TP53RK: variants seen among roughly 807,000 people sequenced by gnomAD.
TP53RK encodes TP53 regulating kinase.
In TP53RK, 17 loss-of-function variants were observed where a neutral mutation model predicts 14.9. The ratio of observed to expected loss-of-function variants is 1.14; its 90% CI spans 0.78 to 1.71. The LOEUF is 1.71. Among genes scored for constraint, TP53RK ranks in the 40% most tolerant of loss-of-function variants. The pLI is 0.00. For synonymous variants in TP53RK, 131 were observed against 138.0 expected (o/e 0.95, Z 0.36); for missense variants, 343 against 332.0 (o/e 1.03, Z -0.26).
rs1301884954 is a variant in TP53RK, at chr20:46,687,107, G to A, written c.408C>T (p.Pro136=). 1 of 1,614,052 alleles carries A rather than the reference G, an allele frequency of 6.2e-7. No homozygotes were observed. The highest frequency in any genetic ancestry group is 1.1e-5 in the South Asian group (1 of 91,076). Residue 136 remains proline, a synonymous_variant, in exon 2 of 2, where the codon CCC becomes CCT. Transcript: ENST00000372114. Reference sequence around the variant, plus strand: ...TCTTGGCTAAGTTGGAGAGACCCTGGGGAGTTTTTTCAGTCTCCATAGTGG... The same window carrying A: ...TCTTGGCTAAGTTGGAGAGACCCTGAGGAGTTTTTTCAGTCTCCATAGTGG... ...IQSTMETEKT[P]QGLSNLAKTI...
At position 46,689,428 on chromosome 20, in the gene TP53RK, A is replaced by T; in HGVS notation, c.-14T>A. The T allele has an allele frequency of 6.5e-7, 1 of 1,530,368 alleles. No homozygotes were observed. Among genetic ancestry groups the T allele is most frequent in the South Asian group, 1.2e-5 (1 of 80,636 alleles). The allele number at this position is 1,530,368 out of a possible 1,614,324, so 94.8% of individuals were successfully genotyped here. A position where few individuals can be genotyped will look rare whatever the true frequency, so the allele number is the denominator to read the frequency against. On this transcript the variant is annotated 5_prime_UTR_variant, in exon 1 of 2. Transcript: ENST00000372114. ...GGCCGCCGCCATGACTGCTCGGCGCAACAGCTCCAACCGATCAGCTGTCTC... is the reference window on the plus strand; with the variant it reads ...GGCCGCCGCCATGACTGCTCGGCGCTACAGCTCCAACCGATCAGCTGTCTC...
At position 46,684,547 on chromosome 20, in the gene TP53RK, T is replaced by C. The variant is rs2063171679; in HGVS notation, c.*2206A>G. 6.6e-6 allele frequency: 1 copy of C among 152,154 alleles called. No homozygotes were observed. The highest frequency in any genetic ancestry group is 2.4e-5 in the African/African-American group (1 of 41,446). 9.4% of individuals were successfully genotyped at this position (152,154 alleles called of 1,614,324 possible). Reference sequence around the variant, plus strand: ...AGATCTCGTGAGAACTCACTCGCTATCACGAGAACAGCACGGAGGTAGCCG... The same window carrying C: ...AGATCTCGTGAGAACTCACTCGCTACCACGAGAACAGCACGGAGGTAGCCG... On this transcript the variant is annotated 3_prime_UTR_variant, in exon 2 of 2. Coordinates refer to ENST00000372114, the MANE Select transcript of TP53RK (RefSeq NM_033550.4).
Position 46,686,560 on chromosome 20 carries a change from C to A in TP53RK, c.*193G>T, listed in dbSNP as rs764001699. The A allele has an allele frequency of 5.1e-6, 3 of 591,930 alleles. No homozygotes were observed. The highest frequency in any genetic ancestry group is 9.1e-4 in the Middle Eastern group (2 of 2,200). The allele number at this position is 591,930 out of a possible 1,614,324, so 36.7% of individuals were successfully genotyped here. A position where few individuals can be genotyped will look rare whatever the true frequency, so the allele number is the denominator to read the frequency against. On this transcript the variant is annotated 3_prime_UTR_variant, in exon 2 of 2. Coordinates refer to ENST00000372114, the MANE Select transcript of TP53RK (RefSeq NM_033550.4). ...GCCTGTCCTCAATTTACTTTAAATA[C>A]CCAATTCTGCCTAGAACATGACTTA...
chr20:46,686,951 G>C lies in TP53RK; in HGVS notation c.564C>G (p.Phe188Leu), dbSNP rs770461591. 4.3e-6 allele frequency: 7 copies of C among 1,614,050 alleles called. No homozygotes were observed. The African/African-American group carries it at 8.0e-5, about 18-fold the overall frequency. Reference protein sequence around the residue: ...NIVLIDFGLSFISALPEDKGV... With the variant: ...NIVLIDFGLSLISALPEDKGV... Reference sequence around the variant, plus strand: ...CCTTATCCTCTGGAAGTGCTGAAATGAAACTCAGCCCAAAGTCTATGAGCA... The same window carrying C: ...CCTTATCCTCTGGAAGTGCTGAAATCAAACTCAGCCCAAAGTCTATGAGCA... Residue 188 changes from phenylalanine to leucine, a missense_variant, in exon 2 of 2, where the codon TTC becomes TTG. By Grantham distance (22) the Phe-to-Leu change is conservative (BLOSUM62 0). Transcript: ENST00000372114.
chr20:46,689,382 A>C lies in TP53RK; in HGVS notation c.33T>G (p.Asp11Glu), dbSNP rs745915184. 1.9e-5 allele frequency: 30 copies of C among 1,571,334 alleles called. No individual in the cohort carries two copies. The Admixed American group carries it at 5.2e-4, about 27-fold the overall frequency. The change falls in exon 1 of 2, where the codon GAT becomes GAG. Residue 11 changes from aspartate to glutamate, a missense_variant. Transcript: ENST00000372114. MAAARATTPADGEEPAPEAEA... is the reference protein window; with the variant it reads MAAARATTPAEGEEPAPEAEA... ...CAGCCTCCGGGGCGGGCTCCTCGCC[A>C]TCGGCCGGCGTAGTAGCTCTGGCCG...
Position 46,687,102 on chromosome 20 carries a change from C to A in TP53RK, c.413G>T (p.Gly138Val). 6.2e-7 allele frequency: 1 copy of A among 1,614,116 alleles called. No individual in the cohort carries two copies. The highest frequency in any genetic ancestry group is 8.5e-7 in the Non-Finnish European group (1 of 1,180,052). Residue 138 changes from glycine to valine, a missense_variant, in exon 2 of 2, where the codon GGT becomes GTT. Physicochemically the swap from Gly to Val is moderately radical, Grantham distance 109. Transcript: ENST00000372114. ...STMETEKTPQ[G>V]LSNLAKTIGQ... is the part of the protein sequence containing the mutation. ...AATTGTCTTGGCTAAGTTGGAGAGA[C>A]CCTGGGGAGTTTTTTCAGTCTCCAT...
Position 46,689,278 on chromosome 20 carries a change from C to G in TP53RK, c.137G>C (p.Arg46Pro). The G allele has an allele frequency of 6.5e-7, 1 of 1,540,022 alleles. No individual in the cohort carries two copies. The highest frequency in any genetic ancestry group is 8.7e-7 in the Non-Finnish European group (1 of 1,149,502). The change falls in exon 1 of 2, where the codon CGC becomes CCC. Residue 46 changes from arginine (R) to proline (P), a missense_variant. Arg to Pro is a moderately radical substitution (Grantham distance 103, BLOSUM62 -2). Transcript: ENST00000372114. ...LELVKQGAEA[R>P]VFRGRFQGRA... The stretch of plus-strand genomic sequence containing the variant: ...GCCCTGGAAGCGGCCACGGAACACG[C>G]GCGCCTCGGCACCCTGCTTCACCAG...
In TP53RK at chr20:46,686,711, G is replaced by GA. The variant is rs1289962228; in HGVS notation, c.*41dup. The GA allele has an allele frequency of 1.3e-6, 2 of 1,503,958 alleles. No homozygotes were observed. The highest frequency in any genetic ancestry group is 1.4e-5 in the African/African-American group (1 of 71,604). 93.2% of individuals were successfully genotyped at this position (1,503,958 alleles called of 1,614,324 possible). ...TGTAGCATTTCTTCAAATTTACTTTGAAAAAAGAGCTTCACTGTGTGTGGT... is the reference window on the plus strand; with the variant it reads ...TGTAGCATTTCTTCAAATTTACTTTGAAAAAAAGAGCTTCACTGTGTGTGGT... On this transcript the variant is annotated 3_prime_UTR_variant, in exon 2 of 2. Transcript: ENST00000372114.
intron 1 of TP53RK, 36 bp from the exon 2 acceptor site, chr20:46,687,267 T>G: frequency 6.6e-7 from 1 of 1,514,138 alleles, no homozygotes; most frequent in South Asian, 1.3e-5. Context: ...TGGGTTGGAT[T>G]TTTTTTAACG....
chr20:46,686,530 G>A lies in TP53RK; in HGVS notation c.*223C>T. On this transcript the variant is annotated 3_prime_UTR_variant, in exon 2 of 2. Coordinates refer to ENST00000372114, the MANE Select transcript of TP53RK (RefSeq NM_033550.4). The stretch of plus-strand genomic sequence containing the variant: ...CTGAGATATACATGTCACAATCTGG[G>A]AGAAGCCTGTCCTCAATTTACTTTA... 1.8e-6 allele frequency: 1 copy of A among 550,068 alleles called. No individual in the cohort carries two copies. The allele number at this position is 550,068 out of a possible 1,614,324, so 34.1% of individuals were successfully genotyped here. A position where few individuals can be genotyped will look rare whatever the true frequency, so the allele number is the denominator to read the frequency against.
chr20:46,688,575 T>C (rs753210585), intron 1 of TP53RK, among the ~76,000 whole-genome samples: 3 of 152,270 alleles, frequency 2.0e-5, no homozygotes, highest in Non-Finnish European at 4.4e-5. Context: ...CATTTGAACA[T>C]AATACGTGAC....
In TP53RK at chr20:46,685,978, C is replaced by T. The variant is rs967451202; in HGVS notation, c.*775G>A. The T allele has an allele frequency of 7.9e-5, 12 of 152,228 alleles. No individual in the cohort carries two copies. Among genetic ancestry groups the T allele is most frequent in the African/African-American group, 2.9e-4 (12 of 41,462 alleles). The allele number at this position is 152,228 out of a possible 1,614,324, so 9.4% of individuals were successfully genotyped here. ...TCACCATTTTTGCTCTACCTACTTA[C>T]TGCCTGTGATAGAAATCAACTCAGT... On this transcript the variant is annotated 3_prime_UTR_variant, in exon 2 of 2. Coordinates refer to ENST00000372114, the MANE Select transcript of TP53RK (RefSeq NM_033550.4).
chr20:46,688,616 C>T (rs2063191678), intron 1 of TP53RK, among the ~76,000 whole-genome samples: 1 of 152,184 alleles, frequency 6.6e-6, no homozygotes, highest in Admixed American at 6.5e-5. Context: ...TCACAACATC[C>T]CTATGACATG....
At chr20:46,688,514 T>C (rs752030066) in intron 1 of TP53RK, among the ~76,000 whole-genome samples, 2 of 152,202 alleles carry the variant, frequency 1.3e-5, no homozygotes, top group South Asian at 2.1e-4. Context: ...AATGAAAAAA[T>C]AGGCAATTTA....
rs2063180419 is a variant in TP53RK at position 46,686,370 on chromosome 20, A to C, written c.*383T>G. On this transcript the variant is annotated 3_prime_UTR_variant, in exon 2 of 2. Transcript: ENST00000372114. ...AAATAAATATAACATGTACACAACAACAACAAAAAAAAACACTGGGTTAGA... is the reference window on the plus strand; with the variant it reads ...AAATAAATATAACATGTACACAACACCAACAAAAAAAAACACTGGGTTAGA... The C allele has an allele frequency of 5.1e-6, 1 of 196,624 alleles. No individual in the cohort carries two copies. Among genetic ancestry groups the C allele is most frequent in the Non-Finnish European group, 1.1e-5 (1 of 95,036 alleles). 12.2% of individuals were successfully genotyped at this position (196,624 alleles called of 1,614,324 possible). A position where few individuals can be genotyped will look rare whatever the true frequency, so the allele number is the denominator to read the frequency against.
Position 46,686,941 on chromosome 20 carries a change from G to A in TP53RK, c.574C>T (p.Leu192Phe). 1.9e-6 allele frequency: 3 copies of A among 1,614,178 alleles called. No homozygotes were observed. Among genetic ancestry groups the A allele is most frequent in the East Asian group, 2.2e-5 (1 of 44,888 alleles). Reference sequence around the variant, plus strand: ...AGGTCTACTCCCTTATCCTCTGGAAGTGCTGAAATGAAACTCAGCCCAAAG... The same window carrying A: ...AGGTCTACTCCCTTATCCTCTGGAAATGCTGAAATGAAACTCAGCCCAAAG... ...IDFGLSFISA[L>F]PEDKGVDLYV... is the part of the protein sequence containing the mutation. Residue 192 changes from leucine (L) to phenylalanine (F), a missense_variant, in exon 2 of 2, where the codon CTT becomes TTT. Leu to Phe is a conservative substitution (Grantham distance 22). Transcript: ENST00000372114.
Position 46,687,198 on chromosome 20 carries a change from T to TA in TP53RK, c.316dup (p.Tyr106LeufsTer12), listed in dbSNP as rs773296506. On this transcript the variant is annotated frameshift_variant, in exon 2 of 2. Coordinates refer to ENST00000372114, the MANE Select transcript of TP53RK (RefSeq NM_033550.4). LOFTEE classifies it high-confidence loss of function. ...TTCCATATATAAGCAGTTGGAAGCA[T>TA]AGTCCACAAAAAAGACAACTGGGGC... 6.3e-7 allele frequency: 1 copy of TA among 1,599,380 alleles called. No homozygotes were observed. The highest frequency in any genetic ancestry group is 1.7e-5 in the Admixed American group (1 of 58,760).
chr20:46,687,251 G>C lies in TP53RK; in HGVS notation c.284-20C>G. On this transcript the variant is annotated intron_variant, in intron 1 of 1. Transcript: ENST00000372114. ...ATATTCCTGAAATCAAGACATAAGT[G>C]GTTATTGGGTTGGATTTTTTTTAAC... 6.5e-7 allele frequency: 1 copy of C among 1,542,742 alleles called. No homozygotes were observed. The highest frequency in any genetic ancestry group is 2.3e-5 in the East Asian group (1 of 44,138).
At chr20:46,688,861 T>C (rs2063192893) in intron 1 of TP53RK, among the ~76,000 whole-genome samples, 1 of 152,194 alleles carries the variant, frequency 6.6e-6, no homozygotes, top group Non-Finnish European at 1.5e-5. Context: ...GTTAAACATG[T>C]TCAACATTGA....
Sources: gnomAD v4.1 joint callset for allele counts (sites outside exome capture counted in the v4.1 genomes callset) on GRCh38, gnomAD v4.1.1 for gene constraint, MANE v1.5 for transcripts, NCBI Gene and HGNC (gene_info 2026-07-23, HGNC 2026-07-21) for gene names.